MICAL3: variants seen among roughly 807,000 people sequenced by gnomAD.
The protein encoded by MICAL3 is [F-actin]-monooxygenase MICAL3.
In MICAL3, 62 loss-of-function variants were observed where a neutral mutation model predicts 207.4. The ratio of observed to expected loss-of-function variants is 0.30; its 90% CI spans 0.24 to 0.37. The LOEUF is 0.37. Among genes scored for constraint, MICAL3 ranks in the 10% least tolerant of loss-of-function variants. The pLI is 1.00. For synonymous variants in MICAL3, 1,077 were observed against 1,069.3 expected (o/e 1.01, Z -0.14); for missense variants, 2,368 against 2,635.6 (o/e 0.90, Z 2.22).
chr22:17,904,418 G>T (rs1931564710), intron 3 of MICAL3, among the ~76,000 whole-genome samples: 1 of 152,170 alleles, frequency 6.6e-6, no homozygotes, highest in South Asian at 2.1e-4. Context: ...ACAGGTTATC[G>T]ATACACTCAC....
intron 1 of MICAL3, among the ~76,000 whole-genome samples, chr22:17,981,591 G>C (rs114928249): frequency 0.01 from 1,589 of 152,194 alleles, 37 homozygotes; most frequent in African/African-American, 0.037. Flanking sequence ...AGTGTCCATG[G>C]TGTAAATGCT....
chr22:18,010,785 C>T (rs1923670338), intron 1 of MICAL3, among the ~76,000 whole-genome samples: 1 of 151,918 alleles, frequency 6.6e-6, no homozygotes, highest in East Asian at 1.9e-4. Context: ...ATGTTCATAG[C>T]CAGGTGAATA....
At chr22:17,842,888 G>A (rs1481036378) in intron 19 of MICAL3, among the ~76,000 whole-genome samples, 6 of 152,140 alleles carry the variant, frequency 3.9e-5, no homozygotes, top group Non-Finnish European at 8.8e-5. Flanking sequence ...TGGGGAGGCC[G>A]ATGCAGGTGG....
Position 17,896,960 on chromosome 22 carries a change from G to T in MICAL3, c.970C>A (p.Leu324Met). The T allele has an allele frequency of 6.2e-7, 1 of 1,613,694 alleles. No homozygotes were observed. The highest frequency in any genetic ancestry group is 2.2e-5 in the East Asian group (1 of 44,884). The change falls in exon 8 of 32, where the codon CTG (leucine) becomes ATG (methionine). Residue 324 changes from leucine (L) to methionine (M), a missense_variant. Coordinates refer to ENST00000441493, the MANE Select transcript of MICAL3 (RefSeq NM_015241.3). ...ILHDYADTEL[L>M]LSRENVDQEA... ...TGGTCCACGTTTTCTCGGGAAAGCA[G>T]GAGCTCTGTGTCGGCGTAGTCCTGT...
intron 19 of MICAL3, among the ~76,000 whole-genome samples, chr22:17,842,767 G>A (rs1258878892): frequency 6.6e-6 from 1 of 152,214 alleles, no homozygotes; most frequent in Admixed American, 6.5e-5. Context: ...TTTCAGCATC[G>A]TCGGCGATCT....
At chr22:17,819,432 T>C (rs1292801286) in intron 25 of MICAL3, among the ~76,000 whole-genome samples, 3 of 152,122 alleles carry the variant, frequency 2.0e-5, no homozygotes, top group Non-Finnish European at 4.4e-5. Context: ...CAAAAGGACA[T>C]AGAGGAATGC....
intron 1 of MICAL3, among the ~76,000 whole-genome samples, chr22:17,955,750 G>T (rs1602286741): frequency 6.6e-6 from 1 of 152,286 alleles, no homozygotes; most frequent in East Asian, 1.9e-4. Flanking sequence ...CAATATGTCA[G>T]TGACAATTTC....
chr22:17,979,320 G>A (rs1040099904), intron 1 of MICAL3, among the ~76,000 whole-genome samples: 5 of 152,086 alleles, frequency 3.3e-5, no homozygotes, highest in Non-Finnish European at 5.9e-5. Context: ...CGAGGCGAGC[G>A]GATCACCTGA....
intron 27 of MICAL3, 33 bp from the exon 28 acceptor site, chr22:17,810,846 G>A: frequency 1.3e-6 from 2 of 1,561,330 alleles, no homozygotes; most frequent in South Asian, 1.1e-5. Context: ...CCTCAGTCAG[G>A]TGCACGGAGG....
At chr22:18,005,090 C>G (rs910752800) in intron 1 of MICAL3, 6 of 151,910 alleles carry the variant, frequency 3.9e-5, no homozygotes, top group African/African-American at 1.5e-4. Flanking sequence ...CGTGCCACCA[C>G]GCTTGGCTAA....
intron 19 of MICAL3, chr22:17,864,409 G>C (rs1926833798): frequency 1.5e-6 from 2 of 1,378,670 alleles, no homozygotes; most frequent in Non-Finnish European, 1.9e-6. Context: ...CTTAAGTGAA[G>C]GTGAACCCAA....
intron 17 of MICAL3, among the ~76,000 whole-genome samples, chr22:17,869,576 C>T (rs1038560547): frequency 2.0e-5 from 3 of 152,200 alleles, no homozygotes; most frequent in African/African-American, 4.8e-5. Context: ...TGTGTTTGAG[C>T]AGACGGCATC....
chr22:17,901,111 A>C, intron 5 of MICAL3, 114 bp from the exon 6 acceptor site: 1 of 995,536 alleles, frequency 1.0e-6, no homozygotes, highest in Non-Finnish European at 1.5e-6. Context: ...ATGAGAACTG[A>C]TGGGAAAGTT....
chr22:17,952,039 A>C (rs931657628), intron 1 of MICAL3, among the ~76,000 whole-genome samples: 6 of 152,146 alleles, frequency 3.9e-5, no homozygotes, highest in Non-Finnish European at 8.8e-5. Context: ...AATCACTTAG[A>C]ACTCAAGGGC....
chr22:17,887,575 G>T (rs1930033926), intron 13 of MICAL3, 140 bp from the exon 14 acceptor site: 1 of 591,316 alleles, frequency 1.7e-6, no homozygotes, highest in Non-Finnish European at 3.1e-6. Context: ...CAAGCATGTG[G>T]TCTCAGTAGG....
intron 1 of MICAL3, among the ~76,000 whole-genome samples, chr22:17,909,677 A>AAAT (rs1931987657): frequency 6.6e-6 from 1 of 152,250 alleles, no homozygotes; most frequent in Admixed American, 6.5e-5. Flanking sequence ...GCAGCAAGAG[A>AAAT]AATACTTTAC....
intron 10 of MICAL3, among the ~76,000 whole-genome samples, chr22:17,894,515 G>A (rs567027128): frequency 1.8e-4 from 28 of 152,076 alleles, no homozygotes; most frequent in African/African-American, 6.7e-4. Flanking sequence ...AGGCCTAAAG[G>A]TATAAACTTC....
At position 17,865,929 on chromosome 22, in the gene MICAL3, C is replaced by G. The variant is rs771737245; in HGVS notation, c.2512G>C (p.Gly838Arg). ...TACAGGAGAGTCACCATTACCTTTC[C>G]AGACAGGGGAGCCACTGCCGGTCTC... Reference protein sequence around the residue: ...RKRPAVAPLSGKEAKGPLQDG... With the variant: ...RKRPAVAPLSRKEAKGPLQDG... The change falls in exon 18 of 32, where the codon GGA (glycine) becomes CGA (arginine). Residue 838 changes from glycine to arginine, a missense_variant. By Grantham distance (125) the Gly-to-Arg change is moderately radical. This residue lies in a region of MICAL3 where 1,770 missense variants were observed against 1,863.2 expected (regional missense o/e 0.95). Transcript: ENST00000441493. 31 of 1,612,670 alleles carry G rather than the reference C, an allele frequency of 1.9e-5. No individual in the cohort carries two copies. In the Middle Eastern group the frequency reaches 8.2e-4, roughly 43 times the overall value.
intron 16 of MICAL3, 102 bp downstream of exon 16, chr22:17,885,776 C>A: frequency 8.0e-7 from 1 of 1,247,982 alleles, no homozygotes; most frequent in Non-Finnish European, 1.2e-6. Context: ...AGCCCACGAA[C>A]GCTGGGGTCT....
Sources: allele counts gnomAD v4.1 joint callset (sites outside exome capture counted in the v4.1 genomes callset), GRCh38; gene constraint gnomAD v4.1.1; regional missense constraint gnomAD v4.1.1; transcripts MANE v1.5; gene names NCBI Gene and HGNC (gene_info 2026-07-23, HGNC 2026-07-21).